APCDD1: variants seen among roughly 807,000 people sequenced by gnomAD.
APCDD1 encodes the protein APC down-regulated 1.
In APCDD1, 15 loss-of-function variants were observed where a neutral mutation model predicts 38.1. The ratio of observed to expected loss-of-function variants is 0.39; its 90% CI spans 0.26 to 0.61. The LOEUF is 0.61. Among genes scored for constraint, APCDD1 ranks in the 20% least tolerant of loss-of-function variants. APCDD1 has a pLI of 0.49. For synonymous variants in APCDD1, 261 were observed against 279.7 expected, an observed-to-expected ratio of 0.93 and a Z score of 0.67; for missense variants, 647 against 696.2, an observed-to-expected ratio of 0.93 and a Z score of 0.79.
rs1344507294 is a variant in APCDD1 at position 10,469,894 on chromosome 18, T to C, written c.242+1242T>C. Among the ~76,000 whole-genome samples the C allele has an allele frequency of 6.6e-6, 1 of 152,166 alleles. No individual in the cohort carries two copies. The highest frequency in any genetic ancestry group is 1.5e-5 in the Non-Finnish European group (1 of 68,012). ...ATGCAGTAAACCAGGGCAGACAGCC[T>C]CACATGAGGCTGCTGGGGAGGGTAG... is the stretch of plus-strand genomic sequence containing the variant. On this transcript the variant is annotated intron_variant, in intron 2 of 4. Coordinates refer to ENST00000355285, the MANE Select transcript of APCDD1 (RefSeq NM_153000.5). This position sits in a 1 kb window ranked among gnomAD's most constrained non-coding sequence, Gnocchi z 5.5.
chr18:10,487,857 G>C lies in APCDD1; in HGVS notation c.1364G>C (p.Arg455Thr). The C allele has an allele frequency of 6.2e-7, 1 of 1,613,904 alleles. No homozygotes were observed. Residue 455 changes from arginine to threonine, a missense_variant, in exon 5 of 5, where the codon AGA (arginine) becomes ACA (threonine). Physicochemically the swap from Arg to Thr is moderately conservative, Grantham distance 71. Coordinates refer to ENST00000355285, the MANE Select transcript of APCDD1 (RefSeq NM_153000.5). ...DGSSPDRPEK[R>T]ATSYQMPLVQ... ...TCCAGCCCAGACAGGCCAGAGAAGAGAGCCACGTCCTACCAGATGCCCTTG... is the reference window on the plus strand; with the variant it reads ...TCCAGCCCAGACAGGCCAGAGAAGACAGCCACGTCCTACCAGATGCCCTTG...
At chr18:10,457,484 C>T (rs771947106) in intron 1 of APCDD1, among the ~76,000 whole-genome samples, 5 of 152,150 alleles carry the variant, frequency 3.3e-5, no homozygotes, top group Non-Finnish European at 7.3e-5. Flanking sequence ...TTGAAATCTT[C>T]TAAGGAATTA....
At chr18:10,465,937 A>C (rs1301946121) in intron 1 of APCDD1, among the ~76,000 whole-genome samples, 1 of 152,226 alleles carries the variant, frequency 6.6e-6, no homozygotes, top group Non-Finnish European at 1.5e-5. Context: ...ATTTTAATCC[A>C]CATCCACTAC....
At chr18:10,457,751 TG>T (rs2030419078) in intron 1 of APCDD1, among the ~76,000 whole-genome samples, 1 of 152,216 alleles carries the variant, frequency 6.6e-6, no homozygotes, top group South Asian at 2.1e-4. Flanking sequence ...ATCCAGTCTT[TG>T]TTCGGTTTTG....
In APCDD1 at chr18:10,472,065, C is replaced by A; in HGVS notation, c.774+4C>A. The A allele has an allele frequency of 1.2e-6, 2 of 1,613,290 alleles. No individual in the cohort carries two copies. Among genetic ancestry groups the A allele is most frequent in the Non-Finnish European group, 1.7e-6 (2 of 1,180,040 alleles). ...GCCCCCTCTGCAGAATGCCAAGGTA[C>A]CTCAGAGCTCTGTGTTCTCCTCTTT... On this transcript the variant is annotated splice_donor_region_variant and intron_variant, in intron 3 of 4. Transcript: ENST00000355285. The surrounding 1 kb of genome is among the most constrained non-coding windows in gnomAD (Gnocchi z 6.6).
chr18:10,461,893 A>G lies in APCDD1; in HGVS notation c.59-6576A>G, dbSNP rs187487935. Among the ~76,000 whole-genome samples the G allele has an allele frequency of 1.1e-4, 16 of 152,284 alleles. 1 individual carries two copies. In the East Asian group the frequency reaches 2.9e-3, roughly 28 times the overall value. The stretch of plus-strand genomic sequence containing the variant: ...TTGTGTGTGTACTCTCACATATAGT[A>G]TATGGTTTCTAACTCTTGTTTTATC... On this transcript the variant is annotated intron_variant, in intron 1 of 4. Coordinates refer to ENST00000355285, the MANE Select transcript of APCDD1 (RefSeq NM_153000.5).
rs777377240 is a variant in APCDD1, at chr18:10,485,802, G to C, written c.1096+19G>C. The stretch of plus-strand genomic sequence containing the variant: ...TTCAAAGGTAGGATTCCCATCTCAA[G>C]TCCCAGTATCACAGCCAATAAACAG... On this transcript the variant is annotated intron_variant, in intron 4 of 4. Coordinates refer to ENST00000355285, the MANE Select transcript of APCDD1 (RefSeq NM_153000.5). The surrounding 1 kb of genome is among the most constrained non-coding windows in gnomAD (Gnocchi z 5.8). 6.2e-7 allele frequency: 1 copy of C among 1,609,394 alleles called. No homozygotes were observed. Among genetic ancestry groups the C allele is most frequent in the Admixed American group, 1.7e-5 (1 of 59,942 alleles).
At chr18:10,468,979 T>TTTCA (rs1441565648) in intron 2 of APCDD1, among the ~76,000 whole-genome samples, 8 of 152,246 alleles carry the variant, frequency 5.3e-5, no homozygotes, top group African/African-American at 2.4e-5. Flanking sequence ...AGAGACTGTG[T>TTTCA]TTCACCAAGC....
At chr18:10,459,828 A>C (rs1442002615) in intron 1 of APCDD1, among the ~76,000 whole-genome samples, 3 of 148,642 alleles carry the variant, frequency 2.0e-5, no homozygotes, top group Admixed American at 6.7e-5. Context: ...TAATCTAATC[A>C]GTCACATTTT....
rs1267784966 is a variant in APCDD1, at chr18:10,488,404, G to A, written c.*366G>A. On this transcript the variant is annotated 3_prime_UTR_variant, in exon 5 of 5. Coordinates refer to ENST00000355285, the MANE Select transcript of APCDD1 (RefSeq NM_153000.5). ...TAAACTTAGAAGAAACAACTATCAA[G>A]CTACAACTTTTCCTGCCATTTTCCT... 2 of 189,572 alleles carry A rather than the reference G, an allele frequency of 1.1e-5. No homozygotes were observed. The highest frequency in any genetic ancestry group is 2.2e-5 in the Non-Finnish European group (2 of 92,168). 11.7% of individuals were successfully genotyped at this position (189,572 alleles called of 1,614,324 possible).
At chr18:10,461,411 C>A (rs2030537826) in intron 1 of APCDD1, among the ~76,000 whole-genome samples, 1 of 152,076 alleles carries the variant, frequency 6.6e-6, no homozygotes, top group Non-Finnish European at 1.5e-5. Flanking sequence ...ATGTTTGAGA[C>A]CATTTTATGG....
rs1173575006 is a variant in APCDD1, at chr18:10,470,356, C to T, written c.243-1174C>T. 6.6e-6 allele frequency among the ~76,000 whole-genome samples: 1 copy of T among 152,208 alleles called. No individual in the cohort carries two copies. Among genetic ancestry groups the T allele is most frequent in the Non-Finnish European group, 1.5e-5 (1 of 68,036 alleles). Reference sequence around the variant, plus strand: ...TTGCTCTCTCCTTTTTCTAAGATTACAGATACCCCAGGTACTGTTGAGTGC... The same window carrying T: ...TTGCTCTCTCCTTTTTCTAAGATTATAGATACCCCAGGTACTGTTGAGTGC... On this transcript the variant is annotated intron_variant, in intron 2 of 4. Transcript: ENST00000355285. The surrounding 1 kb of genome is among the most constrained non-coding windows in gnomAD (Gnocchi z 4.1).
intron 1 of APCDD1, among the ~76,000 whole-genome samples, chr18:10,464,014 A>G (rs2030637955): frequency 6.6e-6 from 1 of 152,176 alleles, no homozygotes; most frequent in Non-Finnish European, 1.5e-5. Context: ...GCAATAGCAA[A>G]ATGGATATTG....
chr18:10,482,682 G>T (rs1265586096), intron 3 of APCDD1, among the ~76,000 whole-genome samples: 2 of 152,154 alleles, frequency 1.3e-5, no homozygotes, highest in Non-Finnish European at 2.9e-5. Flanking sequence ...AGTGTCAGAG[G>T]GGGTGTCACT....
rs1426655030 is a variant in APCDD1 at position 10,471,752 on chromosome 18, C to T, written c.465C>T (p.His155=). 2 of 1,613,812 alleles carry T rather than the reference C, an allele frequency of 1.2e-6. No homozygotes were observed. The highest frequency in any genetic ancestry group is 1.7e-6 in the Non-Finnish European group (2 of 1,179,798). ...TGCACAACGTCCAGGTGATCTGCCACACAGAGGCGGTGGCCGAGAAGCTCG... is the reference window on the plus strand; with the variant it reads ...TGCACAACGTCCAGGTGATCTGCCATACAGAGGCGGTGGCCGAGAAGCTCG... The part of the protein sequence containing the change: ...YQLHNVQVIC[H]TEAVAEKLGQ... The change falls in exon 3 of 5, where the codon CAC becomes CAT. Residue 155 remains histidine, a synonymous_variant. Transcript: ENST00000355285. The surrounding 1 kb of genome is among the most constrained non-coding windows in gnomAD (Gnocchi z 5.5).
rs2030317482 is a variant in APCDD1 at position 10,454,701 on chromosome 18, G to A, written c.-281G>A. ...GCTCAGAGCGGCGCACGCGGCGGCC[G>A]GGGCGGGACGCGGGGCCGGGCGCGG... On this transcript the variant is annotated 5_prime_UTR_variant, in exon 1 of 5. Coordinates refer to ENST00000355285, the MANE Select transcript of APCDD1 (RefSeq NM_153000.5). The A allele has an allele frequency of 2.0e-6, 2 of 983,858 alleles. No homozygotes were observed. Among genetic ancestry groups the A allele is most frequent in the South Asian group, 4.6e-5 (1 of 21,616 alleles). 60.9% of individuals were successfully genotyped at this position (983,858 alleles called of 1,614,324 possible). A position where few individuals can be genotyped will look rare whatever the true frequency, so the allele number is the denominator to read the frequency against.
chr18:10,473,776 T>C (rs2030921776), intron 3 of APCDD1, among the ~76,000 whole-genome samples: 3 of 152,186 alleles, frequency 2.0e-5, no homozygotes, highest in Admixed American at 2.0e-4. Context: ...TTGGCAGCAC[T>C]GCCCAAAGGC....
At chr18:10,473,250 T>G (rs79965723) in intron 3 of APCDD1, among the ~76,000 whole-genome samples, 196 of 152,366 alleles carry the variant, frequency 1.3e-3, no homozygotes, top group African/African-American at 4.4e-3. Context: ...CAAGTGGCTC[T>G]TATTATAATA....
intron 2 of APCDD1, 75 bp downstream of exon 2, chr18:10,468,727 A>G (rs1309205633): frequency 1.1e-5 from 16 of 1,451,450 alleles, no homozygotes; most frequent in Non-Finnish European, 1.4e-5. Flanking sequence ...GGGTTCTCAG[A>G]TGCAGAGACT....
Sources: allele counts gnomAD v4.1 joint callset (sites outside exome capture counted in the v4.1 genomes callset), GRCh38; gene constraint gnomAD v4.1.1; non-coding constraint Gnocchi (gnomAD v3.1); transcripts MANE v1.5; gene names NCBI Gene and HGNC (gene_info 2026-07-23, HGNC 2026-07-21).